The following UCHL3 variants were observed in gnomAD, a reference collection of about 807,000 sequenced individuals.
The protein encoded by UCHL3 is ubiquitin carboxyl-terminal hydrolase isozyme L3.
In UCHL3, 22 loss-of-function variants were observed where a neutral mutation model predicts 35.8. The observed-to-expected ratio is 0.61, with a 90% confidence interval of 0.44 to 0.88. The LOEUF is 0.88. UCHL3 is among the 40% of genes least tolerant of loss of function. The probability of loss-of-function intolerance (pLI) is 0.00; values close to 1 mark genes in which losing one functional copy is unlikely to be tolerated. For synonymous variants in UCHL3, 90 were observed against 92.8 expected (o/e 0.97, Z 0.17); for missense variants, 229 against 276.9 (o/e 0.83, Z 1.23).
intron 6 of UCHL3, among the ~76,000 whole-genome samples, chr13:75,574,569 A>G (rs959218944): frequency 6.6e-6 from 1 of 152,236 alleles, no homozygotes; most frequent in Non-Finnish European, 1.5e-5. Context: ...TCAGCACAAA[A>G]TAGAAATAAT....
chr13:75,603,074 TG>T (rs2032821692), intron 7 of UCHL3, among the ~76,000 whole-genome samples: 2 of 152,088 alleles, frequency 1.3e-5, no homozygotes, highest in South Asian at 4.1e-4. Context: ...GCTGCGTCCT[TG>T]AACTCCTGGG....
At chr13:75,566,303 A>G (rs750118902) in intron 3 of UCHL3, among the ~76,000 whole-genome samples, 1 of 152,236 alleles carries the variant, frequency 6.6e-6, no homozygotes, top group African/African-American at 2.4e-5. Flanking sequence ...TATGCTTTAT[A>G]GTATTCTATT....
intron 6 of UCHL3, among the ~76,000 whole-genome samples, chr13:75,592,342 A>C (rs929996129): frequency 8.2e-5 from 12 of 146,478 alleles, no homozygotes; most frequent in Non-Finnish European, 1.2e-4. Flanking sequence ...ACATCTATGA[A>C]GTGTCAATAT....
At chr13:75,586,965 A>G (rs1203452232) in intron 6 of UCHL3, among the ~76,000 whole-genome samples, 1 of 150,672 alleles carries the variant, frequency 6.6e-6, no homozygotes, top group African/African-American at 2.4e-5. Context: ...TGCTTATAGT[A>G]GAAAAGGGAA....
chr13:75,581,055 A>AT (rs202198962), intron 6 of UCHL3, among the ~76,000 whole-genome samples: 11 of 151,510 alleles, frequency 7.3e-5, no homozygotes, highest in African/African-American at 2.2e-4. Flanking sequence ...AGTACACTAG[A>AT]TTTTTTTTTC....
chr13:75,577,448 C>T (rs961262212), intron 6 of UCHL3, among the ~76,000 whole-genome samples: 1 of 152,054 alleles, frequency 6.6e-6, no homozygotes, highest in Non-Finnish European at 1.5e-5. Context: ...TATGCAAATA[C>T]AACACTATTT....
chr13:75,550,108 T>G (rs188725910), intron 2 of UCHL3, 121 bp downstream of exon 2: 1 of 1,501,420 alleles, frequency 6.7e-7, no homozygotes, highest in East Asian at 2.3e-5. Context: ...TGAGGGCCCC[T>G]CTTGTTCGGC....
intron 3 of UCHL3, among the ~76,000 whole-genome samples, chr13:75,566,430 T>A (rs1208785857): frequency 1.3e-5 from 2 of 152,230 alleles, no homozygotes; most frequent in African/African-American, 4.8e-5. Flanking sequence ...CATATTGCCA[T>A]ATGCCCTGTA....
intron 6 of UCHL3, among the ~76,000 whole-genome samples, chr13:75,580,120 A>G (rs1042386168): frequency 2.0e-5 from 3 of 152,152 alleles, no homozygotes; most frequent in Admixed American, 1.3e-4. Flanking sequence ...AAATGAAGAA[A>G]CTTACCATTA....
At chr13:75,598,079 C>A (rs2032690427) in intron 7 of UCHL3, among the ~76,000 whole-genome samples, 1 of 152,248 alleles carries the variant, frequency 6.6e-6, no homozygotes, top group African/African-American at 2.4e-5. Flanking sequence ...GATTAAAAAA[C>A]CATTAACTAA....
chr13:75,551,558 C>G (rs1228606511), intron 2 of UCHL3, among the ~76,000 whole-genome samples: 1 of 152,010 alleles, frequency 6.6e-6, no homozygotes, highest in Non-Finnish European at 1.5e-5. Context: ...AAGAAATCCT[C>G]TACAAAATAT....
chr13:75,605,596 T>C (rs1231676088), intron 8 of UCHL3, 133 bp from the exon 9 acceptor site: 2 of 830,288 alleles, frequency 2.4e-6, no homozygotes, highest in African/African-American at 1.7e-5. Flanking sequence ...TTTTCTGGTG[T>C]TCTTTATTTC....
At chr13:75,590,686 A>G (rs1593758033) in intron 6 of UCHL3, among the ~76,000 whole-genome samples, 1 of 152,018 alleles carries the variant, frequency 6.6e-6, no homozygotes, top group African/African-American at 2.4e-5. Context: ...ACTTGGTTTA[A>G]TCTTGATCTG....
intron 7 of UCHL3, among the ~76,000 whole-genome samples, chr13:75,603,547 TTG>T (rs1357812442): frequency 6.6e-6 from 1 of 152,180 alleles, no homozygotes; most frequent in African/African-American, 2.4e-5. Flanking sequence ...ACAGCCTACA[TTG>T]TTTACTTATA....
At chr13:75,557,794 A>G (rs1012055179) in intron 2 of UCHL3, among the ~76,000 whole-genome samples, 2 of 152,216 alleles carry the variant, frequency 1.3e-5, no homozygotes, top group Admixed American at 6.5e-5. Flanking sequence ...AATTATTGTA[A>G]AACTAATGCT....
intron 6 of UCHL3, among the ~76,000 whole-genome samples, chr13:75,588,573 A>T (rs890202871): frequency 3.3e-5 from 5 of 152,180 alleles, no homozygotes; most frequent in African/African-American, 1.2e-4. Flanking sequence ...TGAGCCGCTA[A>T]AATGTTCAAA....
At chr13:75,603,826 A>G (rs2138594146) in intron 7 of UCHL3, among the ~76,000 whole-genome samples, 1 of 152,294 alleles carries the variant, frequency 6.6e-6, no homozygotes, top group East Asian at 1.9e-4. Flanking sequence ...TAGAAACTTT[A>G]GGAATTATGT....
In UCHL3 at chr13:75,572,468, A is replaced by G. The variant is rs377553995; in HGVS notation, c.474+2961A>G. 2.2e-4 allele frequency among the ~76,000 whole-genome samples: 33 copies of G among 152,300 alleles called. No homozygotes were observed. In the East Asian group the frequency reaches 2.7e-3, roughly 12 times the overall value. On this transcript the variant is annotated intron_variant, in intron 6 of 8. Coordinates refer to ENST00000377595, the MANE Select transcript of UCHL3 (RefSeq NM_006002.5). ...TTAGTGGTTCACAAAATGGTGTGTC[A>G]TGGAACCAATGGCGCCTTAGTGTGA...
intron 6 of UCHL3, among the ~76,000 whole-genome samples, chr13:75,591,148 G>A (rs1417022258): frequency 1.3e-5 from 2 of 152,286 alleles, no homozygotes; most frequent in Middle Eastern, 3.4e-3. Context: ...AAAGTCAATG[G>A]CAAGCATTCT....
Sources: allele counts gnomAD v4.1 joint callset (sites outside exome capture counted in the v4.1 genomes callset), GRCh38; gene constraint gnomAD v4.1.1; transcripts MANE v1.5; gene names NCBI Gene and HGNC (gene_info 2026-07-23, HGNC 2026-07-21).